The following ATP8A2 variants were observed in gnomAD, a reference collection of about 807,000 sequenced individuals.
ATP8A2 encodes the protein ATPase phospholipid transporting 8A2, also known as phospholipid-transporting ATPase IB.
ATP8A2 carries 100 observed loss-of-function variants against 165.6 expected under a neutral mutation model. That is an observed-to-expected ratio of 0.60 (90% CI 0.51 to 0.71). The LOEUF (loss-of-function observed/expected upper bound fraction) is 0.71. ATP8A2 is among the 30% of genes least tolerant of loss of function. The probability of loss-of-function intolerance (pLI) is 0.00; values close to 1 mark genes in which losing one functional copy is unlikely to be tolerated. For synonymous variants in ATP8A2, 543 were observed against 548.8 expected (o/e 0.99, Z 0.15); for missense variants, 1,227 against 1,479.5 (o/e 0.83, Z 2.80).
At chr13:25,478,952 A>G (rs1485687356) in intron 2 of ATP8A2, among the ~76,000 whole-genome samples, 1 of 151,864 alleles carries the variant, frequency 6.6e-6, no homozygotes, top group Non-Finnish European at 1.5e-5. Flanking sequence ...GGTTCAAGTG[A>G]TTCCCCTGCC....
At chr13:25,535,122 G>A (rs931733620) in intron 6 of ATP8A2, among the ~76,000 whole-genome samples, 4 of 152,156 alleles carry the variant, frequency 2.6e-5, no homozygotes, top group East Asian at 1.9e-4. Flanking sequence ...GCTCTAGTGC[G>A]CTCTTGAAGG....
In ATP8A2 at chr13:25,953,756, G is replaced by A. The variant is rs1955443384; in HGVS notation, c.3184-7819G>A. 6.6e-6 allele frequency among the ~76,000 whole-genome samples: 1 copy of A among 152,026 alleles called. No individual in the cohort carries two copies. Among genetic ancestry groups the A allele is most frequent in the Non-Finnish European group, 1.5e-5 (1 of 68,020 alleles). ...CACCCGGGAAGCACAGGGGATTGAG[G>A]AACTCCCTCCCCTAGCCGAGGGAAG... On this transcript the variant is annotated intron_variant, in intron 33 of 36. Coordinates refer to ENST00000381655, the MANE Select transcript of ATP8A2 (RefSeq NM_016529.6). This position sits in a 1 kb window ranked among gnomAD's most constrained non-coding sequence, Gnocchi z 6.7.
intron 1 of ATP8A2, among the ~76,000 whole-genome samples, chr13:25,401,224 T>C (rs1301400341): frequency 6.6e-6 from 1 of 152,044 alleles, no homozygotes; most frequent in Non-Finnish European, 1.5e-5. Flanking sequence ...ATAGTGAGGA[T>C]AAAAGTGAAA....
intron 33 of ATP8A2, among the ~76,000 whole-genome samples, chr13:25,931,835 T>C (rs1954776260): frequency 6.6e-6 from 1 of 151,614 alleles, no homozygotes; most frequent in East Asian, 1.9e-4. Flanking sequence ...TCACCTGAAG[T>C]CAGGAGTTCG....
In ATP8A2 at chr13:25,807,133, T is replaced by A. The variant is rs1228358019; in HGVS notation, c.2680-20985T>A. On this transcript the variant is annotated intron_variant, in intron 27 of 36. Transcript: ENST00000381655. ...ATATTTTATCCCATTCTGTAGGTTG[T>A]CTTTTCACCTTCTTTATAGTGTTTT... Among the ~76,000 whole-genome samples, 4 of 143,500 alleles carry A rather than the reference T, an allele frequency of 2.8e-5. No individual in the cohort carries two copies. In the East Asian group the frequency reaches 8.2e-4, roughly 29 times the overall value. The allele number at this position is 143,500 out of a possible 152,430, so 94.1% of individuals were successfully genotyped here.
intron 7 of ATP8A2, among the ~76,000 whole-genome samples, chr13:25,538,309 T>C (rs1456157853): frequency 6.6e-6 from 1 of 151,466 alleles, no homozygotes; most frequent in African/African-American, 2.4e-5. Context: ...CTATTTGGGG[T>C]TTTTTTCTTA....
At chr13:25,828,285 C>A in intron 28 of ATP8A2, 93 bp downstream of exon 28, 1 of 1,065,104 alleles carries the variant, frequency 9.4e-7, no homozygotes, top group South Asian at 1.3e-5. Context: ...GTATCTGAGT[C>A]AATCATCTGT....
At chr13:25,490,143 A>AACTCC (rs2036478272) in intron 2 of ATP8A2, among the ~76,000 whole-genome samples, 2 of 152,226 alleles carry the variant, frequency 1.3e-5, no homozygotes, top group African/African-American at 4.8e-5. Context: ...CACATGTTGA[A>AACTCC]TGATCCATTT....
At chr13:25,914,642 C>T (rs1954214799) in intron 33 of ATP8A2, among the ~76,000 whole-genome samples, 1 of 152,188 alleles carries the variant, frequency 6.6e-6, no homozygotes, top group Non-Finnish European at 1.5e-5. Flanking sequence ...TGCTCAACTA[C>T]AGCAGTTACT....
At chr13:25,578,197 A>G (rs543576034) in intron 20 of ATP8A2, among the ~76,000 whole-genome samples, 4 of 152,290 alleles carry the variant, frequency 2.6e-5, no homozygotes, top group Admixed American at 1.3e-4. Flanking sequence ...ATAGGATTTA[A>G]TTCTCTCCAA....
intron 33 of ATP8A2, among the ~76,000 whole-genome samples, chr13:25,887,483 C>T (rs576327023): frequency 6.6e-5 from 10 of 152,206 alleles, no homozygotes; most frequent in East Asian, 1.9e-4. Flanking sequence ...GGATTACAGG[C>T]GTCGGCCACC....
chr13:25,917,153 T>C, intron 33 of ATP8A2, among the ~76,000 whole-genome samples: 1 of 152,118 alleles, frequency 6.6e-6, no homozygotes, highest in South Asian at 2.1e-4. Context: ...AATTTTAGAG[T>C]CTTTGTCTTT....
chr13:25,374,896 A>G (rs2032562515), intron 1 of ATP8A2, among the ~76,000 whole-genome samples: 1 of 152,214 alleles, frequency 6.6e-6, no homozygotes, highest in South Asian at 2.1e-4. Flanking sequence ...TAAAAAATAA[A>G]CTAATGATGA....
intron 33 of ATP8A2, among the ~76,000 whole-genome samples, chr13:25,888,821 T>C (rs1953255603): frequency 1.3e-5 from 2 of 152,226 alleles, no homozygotes. Flanking sequence ...ATCGCACCAT[T>C]GCGCTCCAGC....
chr13:25,389,701 T>C (rs2033176300), intron 1 of ATP8A2, among the ~76,000 whole-genome samples: 1 of 152,246 alleles, frequency 6.6e-6, no homozygotes, highest in Non-Finnish European at 1.5e-5. Flanking sequence ...TTGTGTCTAA[T>C]GTGTCAGTCA....
At chr13:25,729,837 C>T (rs1007763639) in intron 25 of ATP8A2, among the ~76,000 whole-genome samples, 10 of 151,948 alleles carry the variant, frequency 6.6e-5, no homozygotes, top group African/African-American at 2.2e-4. Context: ...CTAAGTGTAA[C>T]GTGGGGGAAA....
intron 25 of ATP8A2, among the ~76,000 whole-genome samples, chr13:25,717,969 G>A (rs1273704393): frequency 6.6e-6 from 1 of 152,132 alleles, no homozygotes; most frequent in Non-Finnish European, 1.5e-5. Context: ...TAAAGTCCAG[G>A]CTTATAAGGA....
intron 24 of ATP8A2, among the ~76,000 whole-genome samples, chr13:25,652,967 T>G (rs1364443785): frequency 2.0e-5 from 3 of 152,234 alleles, no homozygotes; most frequent in Admixed American, 2.0e-4. Flanking sequence ...TTCAGACTTT[T>G]CACTAGGTCA....
intron 2 of ATP8A2, among the ~76,000 whole-genome samples, chr13:25,476,103 G>T (rs1368917890): frequency 6.6e-6 from 1 of 152,096 alleles, no homozygotes; most frequent in Non-Finnish European, 1.5e-5. Flanking sequence ...TAACCAATTT[G>T]TCCATGAATA....
Sources: allele counts gnomAD v4.1 joint callset (sites outside exome capture counted in the v4.1 genomes callset), GRCh38; gene constraint gnomAD v4.1.1; non-coding constraint Gnocchi (gnomAD v3.1); transcripts MANE v1.5; gene names NCBI Gene and HGNC (gene_info 2026-07-23, HGNC 2026-07-21).